MYO1F: variants seen among roughly 807,000 people sequenced by gnomAD.
MYO1F encodes unconventional myosin-If.
MYO1F carries 60 observed loss-of-function variants against 146.6 expected under a neutral mutation model. The ratio of observed to expected loss-of-function variants is 0.41; its 90% confidence interval spans 0.33 to 0.51. MYO1F has a LOEUF of 0.51. MYO1F is among the 20% of genes least tolerant of loss of function. The probability of loss-of-function intolerance (pLI) is 0.25; values close to 1 mark genes in which losing one functional copy is unlikely to be tolerated. For missense variants in MYO1F, 1,274 were observed against 1,534.3 expected (o/e 0.83, Z 2.83); for synonymous variants, 602 against 602.1 (o/e 1.00, Z 0.00).
chr19:8,548,281 A>G lies in MYO1F; in HGVS notation c.1138T>C (p.Tyr380His). Residue 380 changes from tyrosine to histidine, a missense_variant, in exon 11 of 28, where the codon TAC becomes CAC. Tyr to His is a moderately conservative substitution (Grantham distance 83). Around this residue, in one of 2 missense-constraint regions of MYO1F, gnomAD observed 900 missense variants for 1,155.1 expected, o/e 0.78. Coordinates refer to ENST00000644032, the MANE Select transcript of MYO1F (RefSeq NM_012335.4). ...TAAATGTCCAGCACACCGATGCTGTACTCTTCCTGGGGTTTCTGCATAGCA... is the reference window on the plus strand; with the variant it reads ...TAAATGTCCAGCACACCGATGCTGTGCTCTTCCTGGGGTTTCTGCATAGCA... ...NRAMQKPQEE[Y>H]SIGVLDIYGF... The G allele has an allele frequency of 6.2e-7, 1 of 1,613,482 alleles. No homozygotes were observed. The highest frequency in any genetic ancestry group is 8.5e-7 in the Non-Finnish European group (1 of 1,179,918).
chr19:8,575,898 G>A (rs2042231450), intron 1 of MYO1F, among the ~76,000 whole-genome samples: 1 of 152,192 alleles, frequency 6.6e-6, no homozygotes, highest in Non-Finnish European at 1.5e-5. Context: ...CAGGACCTGA[G>A]CCTCCCTGGC....
In MYO1F at chr19:8,530,415, G is replaced by T; in HGVS notation, c.2158+44C>A. ...AGAGCTCCTGATACAGCTCCTCCAG[G>T]TCCTTGTGCCCCCACCCCGCGCCGT... is the stretch of plus-strand genomic sequence containing the variant. On this transcript the variant is annotated intron_variant, in intron 20 of 27. Transcript: ENST00000644032. The surrounding 1 kb of genome is among the most constrained non-coding windows in gnomAD (Gnocchi z 5.8). 4 of 1,613,736 alleles carry T rather than the reference G, an allele frequency of 2.5e-6. No individual in the cohort carries two copies. The highest frequency in any genetic ancestry group is 3.4e-6 in the Non-Finnish European group (4 of 1,179,982).
chr19:8,546,094 C>T (rs1973343997), intron 12 of MYO1F, among the ~76,000 whole-genome samples: 1 of 108,012 alleles, frequency 9.3e-6, no homozygotes. Flanking sequence ...GATGGAGTTT[C>T]ACTCCTGTTG....
intron 6 of MYO1F, 21 bp downstream of exon 6, chr19:8,553,118 A>G: frequency 7.4e-6 from 12 of 1,610,960 alleles, no homozygotes; most frequent in Non-Finnish European, 1.0e-5. Context: ...AGCTGCTCCA[A>G]GCAGGTCTGC....
chr19:8,538,720 T>C (rs1972835126), intron 16 of MYO1F, among the ~76,000 whole-genome samples: 1 of 152,004 alleles, frequency 6.6e-6, no homozygotes, highest in Non-Finnish European at 1.5e-5. Context: ...CCCAAGTAGC[T>C]GGGACCACAG....
rs758367195 is a variant in MYO1F at position 8,530,471 on chromosome 19, T to C, written c.2146A>G (p.Met716Val). Residue 716 changes from methionine to valine, a missense_variant, in exon 20 of 28, where the codon ATG (methionine) becomes GTG (valine). This residue lies in a region of MYO1F where 900 missense variants were observed against 1,155.1 expected (regional missense o/e 0.78). Transcript: ENST00000644032. This position sits in a 1 kb window ranked among gnomAD's most constrained non-coding sequence, Gnocchi z 5.8. Reference sequence around the variant, plus strand: ...CGAAGCCTCTCACCTTCCTCCCGCATCTCCTCGTACTTCCGGACAGCCACG... The same window carrying C: ...CGAAGCCTCTCACCTTCCTCCCGCACCTCCTCGTACTTCCGGACAGCCACG... Reference protein sequence around the residue: ...RHVAVRKYEEMREEASNILLN... With the variant: ...RHVAVRKYEEVREEASNILLN... 2.5e-6 allele frequency: 4 copies of C among 1,613,762 alleles called. No individual in the cohort carries two copies. In the South Asian group the frequency reaches 4.4e-5, roughly 18 times the overall value.
intron 24 of MYO1F, 109 bp from the exon 25 acceptor site, chr19:8,525,671 T>C: frequency 1.1e-6 from 1 of 909,454 alleles, no homozygotes; most frequent in Non-Finnish European, 1.7e-6. Flanking sequence ...CCTCAGGCTC[T>C]CCCATTAGCA....
chr19:8,553,418 T>C lies in MYO1F; in HGVS notation c.346A>G (p.Lys116Glu). 1 of 1,614,096 alleles carries C rather than the reference T, an allele frequency of 6.2e-7. No homozygotes were observed. Among genetic ancestry groups the C allele is most frequent in the Non-Finnish European group, 8.5e-7 (1 of 1,179,994 alleles). ...VIISGESGAG[K>E]TVAAKYIMGY... is the part of the protein sequence containing the mutation. ...ATGATATATTTGGCTGCCACTGTCT[T>C]CCCAGCTCCACTCTCTCCACTGGGG... is the stretch of plus-strand genomic sequence containing the variant. Residue 116 changes from lysine to glutamate, a missense_variant, in exon 5 of 28, where the codon AAG becomes GAG. By Grantham distance (56) the Lys-to-Glu change is moderately conservative. Transcript: ENST00000644032.
chr19:8,550,391 G>A, intron 9 of MYO1F, 35 bp from the exon 10 acceptor site: 1 of 1,595,208 alleles, frequency 6.3e-7, no homozygotes, highest in Non-Finnish European at 8.5e-7. Flanking sequence ...AAATGGGACA[G>A]TTGGTTGGGC....
Position 8,548,030 on chromosome 19 carries a change from G to GCCCAC in MYO1F, c.1269+1_1269+5dup. 6.9e-7 allele frequency: 1 copy of GCCCAC among 1,454,240 alleles called. No individual in the cohort carries two copies. Among genetic ancestry groups the GCCCAC allele is most frequent in the Non-Finnish European group, 9.5e-7 (1 of 1,051,854 alleles). 90.1% of individuals were successfully genotyped at this position (1,454,240 alleles called of 1,614,324 possible). ...ATCCCCCATCCCTGACTGCTTGGCC[G>GCCCAC]CCCACCTGCTCGGCCTTCAGGGTAA... On this transcript the variant is annotated splice_donor_region_variant and intron_variant, in intron 12 of 27. Coordinates refer to ENST00000644032, the MANE Select transcript of MYO1F (RefSeq NM_012335.4).
At chr19:8,551,603 C>G in intron 8 of MYO1F, 137 bp downstream of exon 8, 2 of 1,288,914 alleles carry the variant, frequency 1.6e-6, no homozygotes, top group Non-Finnish European at 2.2e-6. Flanking sequence ...CTACCTGCCT[C>G]GGCCTCCCAA....
chr19:8,554,560 C>G lies in MYO1F; in HGVS notation c.243G>C (p.Glu81Asp). 6.2e-7 allele frequency: 1 copy of G among 1,613,660 alleles called. No homozygotes were observed. Among genetic ancestry groups the G allele is most frequent in the Non-Finnish European group, 8.5e-7 (1 of 1,179,628 alleles). ...IDLYQGAAQY[E>D]NPPHIYALTD... ...TGAGGGCGTAGATGTGCGGGGGATT[C>G]TCATACTGGGCCTGGCAGGGGAGGT... The change falls in exon 4 of 28, where the codon GAG (glutamate) becomes GAC (aspartate). Residue 81 changes from glutamate to aspartate, a missense_variant. Coordinates refer to ENST00000644032, the MANE Select transcript of MYO1F (RefSeq NM_012335.4).
intron 1 of MYO1F, among the ~76,000 whole-genome samples, chr19:8,556,352 T>A (rs187642105): frequency 1.7e-3 from 260 of 149,512 alleles, no homozygotes; most frequent in African/African-American, 5.8e-3. Flanking sequence ...AATTAAAAAA[T>A]TTTTTAATGC....
intron 27 of MYO1F, 34 bp from the exon 28 acceptor site, chr19:8,521,638 G>C (rs751391836): frequency 3.1e-6 from 5 of 1,603,950 alleles, no homozygotes; most frequent in Non-Finnish European, 4.3e-6. Context: ...GGTGCCCCTA[G>C]CTGGCCCTGG....
At chr19:8,550,016 T>C (rs1205608444) in intron 10 of MYO1F, 144 bp downstream of exon 10, 15 of 908,992 alleles carry the variant, frequency 1.7e-5, no homozygotes, top group Admixed American at 4.1e-5. Flanking sequence ...CCCAGGCTGG[T>C]CTTGAACTTC....
intron 16 of MYO1F, among the ~76,000 whole-genome samples, chr19:8,539,207 G>A (rs1416678419): frequency 6.6e-6 from 1 of 152,130 alleles, no homozygotes; most frequent in Admixed American, 6.6e-5. Flanking sequence ...CTGAGGTCGG[G>A]AGTTCGAGAA....
intron 25 of MYO1F, 70 bp from the exon 26 acceptor site, chr19:8,522,899 C>G: frequency 7.2e-7 from 1 of 1,386,994 alleles, no homozygotes; most frequent in East Asian, 2.5e-5. Flanking sequence ...GACTTGGCTT[C>G]AAGTTCTCAG....
In MYO1F at chr19:8,555,680, G is replaced by T. The variant is rs1397042509; in HGVS notation, c.120C>A (p.Arg40=). 1.2e-6 allele frequency: 2 copies of T among 1,614,046 alleles called. No homozygotes were observed. The highest frequency in any genetic ancestry group is 1.7e-6 in the Non-Finnish European group (2 of 1,180,048). ...EDAIAANLRK[R]FMDDYIFTYI... is the part of the protein sequence containing the mutation. ...GTACGAAGATGTAGTCGTCCATGAA[G>T]CGCTTCCGGAGGTTGGCGGCAATGG... Residue 40 remains arginine, a synonymous_variant, in exon 2 of 28, where the codon CGC becomes CGA. Coordinates refer to ENST00000644032, the MANE Select transcript of MYO1F (RefSeq NM_012335.4).
At chr19:8,564,159 T>A (rs997740892) in intron 1 of MYO1F, among the ~76,000 whole-genome samples, 1 of 151,912 alleles carries the variant, frequency 6.6e-6, no homozygotes, top group African/African-American at 2.4e-5. Context: ...GGTGGATGGA[T>A]CACTTGAGGT....
Sources: gnomAD v4.1 joint callset for allele counts (sites outside exome capture counted in the v4.1 genomes callset) on GRCh38, gnomAD v4.1.1 for gene constraint, gnomAD v4.1.1 regional missense constraint, Gnocchi (gnomAD v3.1) non-coding constraint, MANE v1.5 for transcripts, NCBI Gene and HGNC (gene_info 2026-07-23, HGNC 2026-07-21) for gene names.